LCLAT1: variants seen among roughly 807,000 people sequenced by gnomAD.
LCLAT1 encodes the protein lysocardiolipin acyltransferase 1, also known as 1-AGP acyltransferase 8.
LCLAT1 carries 11 observed loss-of-function variants against 30.7 expected under a neutral mutation model. That is an observed-to-expected ratio of 0.36 (90% CI 0.23 to 0.59). The LOEUF (loss-of-function observed/expected upper bound fraction) is 0.59. Among genes scored for constraint, LCLAT1 ranks in the 20% least tolerant of loss-of-function variants. The pLI, the probability that LCLAT1 is intolerant of heterozygous loss-of-function variation, is 0.77. For synonymous variants in LCLAT1, 155 were observed against 151.3 expected, an observed-to-expected ratio of 1.02 and a Z score of -0.18; for missense variants, 402 against 458.6, an observed-to-expected ratio of 0.88 and a Z score of 1.13.
chr2:30,452,420 T>G (rs2148255328), intron 1 of LCLAT1, among the ~76,000 whole-genome samples: 1 of 152,210 alleles, frequency 6.6e-6, no homozygotes, highest in South Asian at 2.1e-4. Flanking sequence ...TTTATATAAT[T>G]GTTTTGCAAA....
rs930193253 is a variant in LCLAT1 at position 30,630,834 on chromosome 2, G to A, written c.629-9283G>A. Among the ~76,000 whole-genome samples, 13 of 152,310 alleles carry A rather than the reference G, an allele frequency of 8.5e-5. No homozygotes were observed. The East Asian group carries it at 2.3e-3, about 27-fold the overall frequency. On this transcript the variant is annotated intron_variant, in intron 5 of 5. Coordinates refer to ENST00000379509, the MANE Select transcript of LCLAT1 (RefSeq NM_001002257.3). ...GAAATAAAGTATGAATCTTTAAGGT[G>A]ATACTGGAGAAATGCTTCCTTAGGG...
intron 5 of LCLAT1, among the ~76,000 whole-genome samples, chr2:30,576,737 A>C (rs957296416): frequency 9.9e-5 from 15 of 151,918 alleles, no homozygotes; most frequent in African/African-American, 3.1e-4. Context: ...TATTGTTGAC[A>C]TGTGTCCATT....
chr2:30,472,707 G>A (rs1682859103), intron 1 of LCLAT1, among the ~76,000 whole-genome samples: 1 of 152,080 alleles, frequency 6.6e-6, no homozygotes, highest in African/African-American at 2.4e-5. Flanking sequence ...TTTGCAGGGA[G>A]TCAGGAGGTG....
rs184846679 is a variant in LCLAT1 at position 30,487,312 on chromosome 2, T to G, written c.-4-38275T>G. ...GGCAAGTTTAGTTAACTTCATTTAT[T>G]TTAGTTTTCTCTGGTTGGACGTCCT... On this transcript the variant is annotated intron_variant, in intron 1 of 5. Transcript: ENST00000379509. 5.9e-5 allele frequency among the ~76,000 whole-genome samples: 9 copies of G among 152,330 alleles called. No homozygotes were observed. In the East Asian group the frequency reaches 1.7e-3, roughly 29 times the overall value.
intron 1 of LCLAT1, among the ~76,000 whole-genome samples, chr2:30,519,575 C>T (rs1271688353): frequency 6.6e-6 from 1 of 152,190 alleles, no homozygotes; most frequent in African/African-American, 2.4e-5. Flanking sequence ...GTGACCTCAC[C>T]CACCTTTAAA....
At chr2:30,628,231 A>T (rs1332336161) in intron 5 of LCLAT1, among the ~76,000 whole-genome samples, 1 of 152,226 alleles carries the variant, frequency 6.6e-6, no homozygotes, top group Non-Finnish European at 1.5e-5. Flanking sequence ...CACAGAAGCT[A>T]TGTGAAGAAA....
At chr2:30,574,119 G>C (rs999706775) in intron 5 of LCLAT1, among the ~76,000 whole-genome samples, 14 of 152,020 alleles carry the variant, frequency 9.2e-5, no homozygotes, top group Non-Finnish European at 1.9e-4. Flanking sequence ...TCCAGCCTGG[G>C]TAACAGAGCC....
In LCLAT1 at chr2:30,518,773, A is replaced by T. The variant is rs1351124027; in HGVS notation, c.-4-6814A>T. On this transcript the variant is annotated intron_variant, in intron 1 of 5. Coordinates refer to ENST00000379509, the MANE Select transcript of LCLAT1 (RefSeq NM_001002257.3). Reference sequence around the variant, plus strand: ...TTTTTCTGTATCCCTGTACATCCTGACTCTCAATTCTTGTTTGCCTTTGAT... The same window carrying T: ...TTTTTCTGTATCCCTGTACATCCTGTCTCTCAATTCTTGTTTGCCTTTGAT... Among the ~76,000 whole-genome samples the T allele has an allele frequency of 5.3e-5, 8 of 151,970 alleles. No individual in the cohort carries two copies. In the East Asian group the frequency reaches 1.5e-3, roughly 29 times the overall value.
At chr2:30,504,554 G>T (rs1684565149) in intron 1 of LCLAT1, among the ~76,000 whole-genome samples, 1 of 152,062 alleles carries the variant, frequency 6.6e-6, no homozygotes. Flanking sequence ...TTAATGTATG[G>T]CAAGCAATCA....
intron 5 of LCLAT1, among the ~76,000 whole-genome samples, chr2:30,574,900 CA>C (rs1460418693): frequency 5.9e-5 from 9 of 152,172 alleles, no homozygotes; most frequent in Admixed American, 5.9e-4. Flanking sequence ...AGAGGTCTGC[CA>C]GCATGTCCTT....
At chr2:30,506,178 T>C (rs963402918) in intron 1 of LCLAT1, among the ~76,000 whole-genome samples, 2 of 152,160 alleles carry the variant, frequency 1.3e-5, no homozygotes, top group Non-Finnish European at 2.9e-5. Context: ...TTGTAACTTC[T>C]TTTTGTTCCT....
At chr2:30,496,452 CATGTGGAT>C (rs775537266) in intron 1 of LCLAT1, among the ~76,000 whole-genome samples, 3 of 152,242 alleles carry the variant, frequency 2.0e-5, no homozygotes, top group African/African-American at 7.2e-5. Flanking sequence ...AGGTGGTGGA[CATGTGGAT>C]ATGTGTGTGA....
chr2:30,499,216 A>G (rs1341409057), intron 1 of LCLAT1, among the ~76,000 whole-genome samples: 2 of 152,054 alleles, frequency 1.3e-5, no homozygotes, highest in Non-Finnish European at 2.9e-5. Flanking sequence ...TTTCGCTCTT[A>G]TCGCCCAGGC....
At chr2:30,601,913 A>T (rs1010959612) in intron 5 of LCLAT1, among the ~76,000 whole-genome samples, 1 of 151,158 alleles carries the variant, frequency 6.6e-6, no homozygotes, top group African/African-American at 2.4e-5. Context: ...ATATAATGTT[A>T]AACTATAAAA....
At chr2:30,503,454 T>C (rs1684496082) in intron 1 of LCLAT1, among the ~76,000 whole-genome samples, 1 of 152,204 alleles carries the variant, frequency 6.6e-6, no homozygotes, top group Non-Finnish European at 1.5e-5. Flanking sequence ...TTTTGAGGAC[T>C]ATAATAAGTA....
At chr2:30,591,663 A>C (rs934489855) in intron 5 of LCLAT1, among the ~76,000 whole-genome samples, 1 of 152,166 alleles carries the variant, frequency 6.6e-6, no homozygotes, top group African/African-American at 2.4e-5. Context: ...GCTCTGAAAA[A>C]ACCAAAGTTA....
chr2:30,489,519 AT>A (rs1234706202), intron 1 of LCLAT1, among the ~76,000 whole-genome samples: 2 of 151,852 alleles, frequency 1.3e-5, no homozygotes, highest in African/African-American at 4.8e-5. Context: ...TGCCCAGCTG[AT>A]TTTTTGTATT....
chr2:30,586,687 T>A (rs1218434847), intron 5 of LCLAT1, among the ~76,000 whole-genome samples: 1 of 152,146 alleles, frequency 6.6e-6, no homozygotes, highest in Non-Finnish European at 1.5e-5. Flanking sequence ...AGTCAACCAT[T>A]CCATTCTCTG....
intron 1 of LCLAT1, among the ~76,000 whole-genome samples, chr2:30,479,247 T>G (rs537001226): frequency 1.2e-3 from 181 of 152,120 alleles, no homozygotes; most frequent in African/African-American, 3.9e-3. Context: ...GTTTTTTTTT[T>G]GGGACAGGGT....
Sources: gnomAD v4.1 joint callset for allele counts (sites outside exome capture counted in the v4.1 genomes callset) on GRCh38, gnomAD v4.1.1 for gene constraint, MANE v1.5 for transcripts, NCBI Gene and HGNC (gene_info 2026-07-23, HGNC 2026-07-21) for gene names.